The following PALM variants were observed in gnomAD, a reference collection of about 807,000 sequenced individuals.
PALM encodes the protein paralemmin, also known as paralemmin-1.
Under a neutral mutation model 30.7 loss-of-function variants are expected in PALM, and 18 were observed. The observed-to-expected ratio is 0.59, with a 90% CI of 0.41 to 0.87. The LOEUF is 0.87. PALM is among the 40% of genes least tolerant of loss of function. The probability of loss-of-function intolerance (pLI) is 0.00; values close to 1 mark genes in which losing one functional copy is unlikely to be tolerated. For synonymous variants in PALM, 286 were observed against 242.8 expected, an observed-to-expected ratio of 1.18 and a Z score of -1.66; for missense variants, 529 against 555.4, an observed-to-expected ratio of 0.95 and a Z score of 0.48.
rs906279278 is a variant in PALM, at chr19:742,081, C to T, written c.634+1598C>T. 5.3e-5 allele frequency among the ~76,000 whole-genome samples: 8 copies of T among 152,212 alleles called. No homozygotes were observed. Among genetic ancestry groups the T allele is most frequent in the East Asian group, 1.9e-4 (1 of 5,176 alleles). ...CCTTAATGGGAGGCTCATCTGGGCC[C>T]GGGACATTGAGGCTGCAATGAGCTA... On this transcript the variant is annotated intron_variant, in intron 8 of 8. Transcript: ENST00000338448. This position sits in a 1 kb window ranked among gnomAD's most constrained non-coding sequence, Gnocchi z 5.5.
Position 717,884 on chromosome 19 carries a change from GAC to G in PALM, c.6-8250_6-8249del, listed in dbSNP as rs567271627. On this transcript the variant is annotated intron_variant, in intron 1 of 8. Coordinates refer to ENST00000338448, the MANE Select transcript of PALM (RefSeq NM_002579.3). ...CCAGGGACATGGCAGGGACAAAAAT[GAC>G]ACAGTTGCTGTCCTAGTGGGAAGAC... 5.8e-3 allele frequency among the ~76,000 whole-genome samples: 888 copies of G among 152,236 alleles called. 4 individuals are homozygous for G. Among genetic ancestry groups the G allele is most frequent in the Non-Finnish European group, 8.1e-3 (554 of 67,988 alleles).
At chr19:723,142 G>C (rs1425495247) in intron 1 of PALM, among the ~76,000 whole-genome samples, 5 of 152,066 alleles carry the variant, frequency 3.3e-5, no homozygotes, top group Non-Finnish European at 7.4e-5. Context: ...GGAGGGGATG[G>C]GGGCACAAGG....
intron 1 of PALM, among the ~76,000 whole-genome samples, chr19:711,033 G>T (rs1316717296): frequency 2.0e-5 from 3 of 152,266 alleles, no homozygotes; most frequent in Non-Finnish European, 4.4e-5. Flanking sequence ...GAAGACACGG[G>T]AGCTGGCTGT....
chr19:722,127 C>T (rs1439137900), intron 1 of PALM, among the ~76,000 whole-genome samples: 2 of 149,214 alleles, frequency 1.3e-5, no homozygotes, highest in Non-Finnish European at 3.0e-5. Context: ...ACCGTGTTAG[C>T]CAGGATGGTC....
intron 8 of PALM, among the ~76,000 whole-genome samples, chr19:743,863 A>G (rs1253893797): frequency 6.6e-6 from 1 of 152,288 alleles, no homozygotes; most frequent in East Asian, 1.9e-4. Flanking sequence ...ACATTTAGCA[A>G]GATTGATTAT....
chr19:738,108 T>C (rs2144912450), intron 7 of PALM, among the ~76,000 whole-genome samples: 1 of 152,118 alleles, frequency 6.6e-6, no homozygotes, highest in Non-Finnish European at 1.5e-5. Flanking sequence ...CAGGGAGGAC[T>C]GGCCAGGCAC....
At chr19:710,688 G>C (rs1352953079) in intron 1 of PALM, among the ~76,000 whole-genome samples, 1 of 48,990 alleles carries the variant, frequency 2.0e-5, no homozygotes, top group Non-Finnish European at 3.2e-5. Flanking sequence ...ACAGCACCTG[G>C]GGCCGGGGGG....
chr19:740,361 C>A lies in PALM; in HGVS notation c.512C>A (p.Ser171Ter). Residue 171 changes from serine (S) to a stop codon, truncating the protein, a stop_gained, in exon 8 of 9, where the codon TCG becomes TAG. Transcript: ENST00000338448. LOFTEE classifies it high-confidence loss of function. ...GSPMMKAAMYSVEITVEKDKV... is the reference protein window; with the variant it reads ...GSPMMKAAMY ...GTGACTCTCGTGCCAGCCATGTACT[C>A]GGTTGAGATCACTGTGGAGAAGGAC... The A allele has an allele frequency of 6.4e-7, 1 of 1,565,858 alleles. No individual in the cohort carries two copies. Among genetic ancestry groups the A allele is most frequent in the Admixed American group, 1.9e-5 (1 of 52,994 alleles).
At chr19:726,964 G>A (rs2032685145) in intron 2 of PALM, 44 bp from the exon 3 acceptor site, 1 of 1,162,386 alleles carries the variant, frequency 8.6e-7, no homozygotes, top group Admixed American at 2.1e-5. Context: ...GGGGTCTCCG[G>A]GACCCCCACG....
chr19:718,159 G>T (rs2032330079), intron 1 of PALM, among the ~76,000 whole-genome samples: 1 of 152,256 alleles, frequency 6.6e-6, no homozygotes. Flanking sequence ...TCCAGCCTGG[G>T]CAACAGAGGG....
intron 1 of PALM, among the ~76,000 whole-genome samples, chr19:712,605 A>C (rs536559177): frequency 2.0e-5 from 3 of 151,562 alleles, no homozygotes; most frequent in South Asian, 4.2e-4. Flanking sequence ...GGATGGTCTC[A>C]ATCTCCTGAC....
chr19:727,005 C>CCCG lies in PALM; in HGVS notation c.58-3_58-2insCCG. ...CCCTGACCCCACCCGGCCCTCCCCA[C>CCCG]AGGAGAAGCGGAAGCGGCAGGCGGA... On this transcript the variant is annotated splice_polypyrimidine_tract_variant and splice_region_variant and intron_variant, in intron 2 of 8. Coordinates refer to ENST00000338448, the MANE Select transcript of PALM (RefSeq NM_002579.3). 1.3e-6 allele frequency: 2 copies of CCCG among 1,533,578 alleles called. No homozygotes were observed. The highest frequency in any genetic ancestry group is 1.2e-5 in the South Asian group (1 of 83,692). 95.0% of individuals were successfully genotyped at this position (1,533,578 alleles called of 1,614,324 possible). A position where few individuals can be genotyped will look rare whatever the true frequency, so the allele number is the denominator to read the frequency against.
At chr19:739,397 T>C (rs1791060210) in intron 7 of PALM, among the ~76,000 whole-genome samples, 1 of 152,074 alleles carries the variant, frequency 6.6e-6, no homozygotes, top group South Asian at 2.1e-4. Flanking sequence ...AAACCAGGAA[T>C]GGTGGGGCTC....
At chr19:715,075 C>T (rs943015630) in intron 1 of PALM, among the ~76,000 whole-genome samples, 1 of 152,134 alleles carries the variant, frequency 6.6e-6, no homozygotes, top group Non-Finnish European at 1.5e-5. Context: ...ACCAGCCTGG[C>T]CAACATAGTG....
intron 1 of PALM, among the ~76,000 whole-genome samples, chr19:712,341 G>C (rs2032106694): frequency 6.6e-6 from 1 of 152,112 alleles, no homozygotes; most frequent in Admixed American, 6.6e-5. Context: ...CCTTTTCCAT[G>C]GCCCTGTTCC....
In PALM at chr19:728,693, C is replaced by T. The variant is rs1333166034; in HGVS notation, c.269+999C>T. 6.6e-5 allele frequency among the ~76,000 whole-genome samples: 10 copies of T among 152,076 alleles called. No individual in the cohort carries two copies. In the East Asian group the frequency reaches 1.9e-3, roughly 29 times the overall value. ...TGTGGTGGTGCCCAGCCTGTAATCC[C>T]AGCTACTCCGGAGGCTGAGGCAGAA... On this transcript the variant is annotated intron_variant, in intron 4 of 8. Transcript: ENST00000338448.
At chr19:728,310 G>A (rs535728241) in intron 4 of PALM, among the ~76,000 whole-genome samples, 247 of 152,336 alleles carry the variant, frequency 1.6e-3, no homozygotes, top group Middle Eastern at 6.8e-3. Flanking sequence ...GGGAAGTGAC[G>A]ACCAAGATTC....
chr19:724,078 G>A (rs2032583111), intron 1 of PALM, among the ~76,000 whole-genome samples: 2 of 152,008 alleles, frequency 1.3e-5, no homozygotes, highest in Admixed American at 1.3e-4. Flanking sequence ...AGACAGATGA[G>A]GAGAGGGGCT....
At chr19:741,827 C>T (rs1032570886) in intron 8 of PALM, among the ~76,000 whole-genome samples, 2 of 152,072 alleles carry the variant, frequency 1.3e-5, no homozygotes, top group African/African-American at 4.8e-5. Context: ...AAGCCCCACT[C>T]TCTCTCTTTC....
Sources: gnomAD v4.1 joint callset for allele counts (sites outside exome capture counted in the v4.1 genomes callset) on GRCh38, gnomAD v4.1.1 for gene constraint, Gnocchi (gnomAD v3.1) non-coding constraint, MANE v1.5 for transcripts, NCBI Gene and HGNC (gene_info 2026-07-23, HGNC 2026-07-21) for gene names.